The following FSTL5 variants were observed in gnomAD, a reference collection of about 807,000 sequenced individuals.
FSTL5 encodes the protein follistatin-related protein 5.
In FSTL5, 62 loss-of-function variants were observed where a neutral mutation model predicts 89.1. The ratio of observed to expected loss-of-function variants is 0.70; its 90% CI spans 0.57 to 0.86. The LOEUF (loss-of-function observed/expected upper bound fraction) is 0.86, where lower values mean the gene tolerates loss of function less well. Among genes scored for constraint, FSTL5 ranks in the 40% least tolerant of loss-of-function variants. The pLI, the probability that FSTL5 is intolerant of heterozygous loss-of-function variation, is 0.00. For missense variants in FSTL5, 1,057 were observed against 1,001.6 expected, an observed-to-expected ratio of 1.06 and a Z score of -0.75; for synonymous variants, 383 against 346.2, an observed-to-expected ratio of 1.11 and a Z score of -1.18.
chr4:162,102,544 C>G (rs1179244559), intron 2 of FSTL5, among the ~76,000 whole-genome samples: 1 of 147,096 alleles, frequency 6.8e-6, no homozygotes, highest in Non-Finnish European at 1.5e-5. Flanking sequence ...AGTACTTTCT[C>G]TTACCCCACT....
At chr4:162,014,202 G>A (rs2111138786) in intron 3 of FSTL5, among the ~76,000 whole-genome samples, 1 of 152,302 alleles carries the variant, frequency 6.6e-6, no homozygotes, top group East Asian at 1.9e-4. Context: ...CATTTGTATG[G>A]AAAAGAGCAT....
intron 4 of FSTL5, among the ~76,000 whole-genome samples, chr4:161,823,737 C>A (rs1416863422): frequency 6.6e-6 from 1 of 152,234 alleles, no homozygotes. Context: ...GACTCCACTG[C>A]TGCAGCTGCT....
chr4:161,658,913 T>C (rs984840050), intron 6 of FSTL5, among the ~76,000 whole-genome samples: 66 of 152,160 alleles, frequency 4.3e-4, no homozygotes, highest in African/African-American at 1.5e-3. Flanking sequence ...AGAAATACAA[T>C]TGCTACTAAG....
Position 161,779,154 on chromosome 4 carries a change from T to C in FSTL5, c.410-3080A>G, listed in dbSNP as rs148689236. ...TTGGGTTGCCCCACTCAAATTTTGA[T>C]CTAATCTAGTCAGTGTGATCATCAT... is the stretch of plus-strand genomic sequence containing the variant. On this transcript the variant is annotated intron_variant, in intron 4 of 15. Transcript: ENST00000306100. Among the ~76,000 whole-genome samples, 8 of 152,322 alleles carry C rather than the reference T, an allele frequency of 5.3e-5. No homozygotes were observed. The East Asian group carries it at 1.5e-3, about 29-fold the overall frequency.
intron 3 of FSTL5, among the ~76,000 whole-genome samples, chr4:161,993,790 AG>A (rs1408153826): frequency 1.3e-5 from 2 of 152,106 alleles, no homozygotes; most frequent in Non-Finnish European, 2.9e-5. Flanking sequence ...TTTGATTTTT[AG>A]TTTTTGTCAA....
At chr4:161,864,892 C>A (rs948076902) in intron 4 of FSTL5, among the ~76,000 whole-genome samples, 94 of 109,720 alleles carry the variant, frequency 8.6e-4, no homozygotes, top group African/African-American at 2.3e-3. Flanking sequence ...AAAAAAAAAG[C>A]ATTAATGGTA....
At chr4:162,119,303 AAAC>A (rs1235591389) in intron 1 of FSTL5, among the ~76,000 whole-genome samples, 2 of 152,186 alleles carry the variant, frequency 1.3e-5, no homozygotes, top group Non-Finnish European at 2.9e-5. Context: ...TGCACAGAAA[AAAC>A]AACTAATTAT....
At chr4:161,802,586 T>C (rs970147416) in intron 4 of FSTL5, among the ~76,000 whole-genome samples, 1 of 151,772 alleles carries the variant, frequency 6.6e-6, no homozygotes, top group African/African-American at 2.4e-5. Flanking sequence ...TTGTATTTAG[T>C]ATTAGGCTAA....
At chr4:161,892,497 A>C (rs1490397617) in intron 4 of FSTL5, among the ~76,000 whole-genome samples, 1 of 151,412 alleles carries the variant, frequency 6.6e-6, no homozygotes, top group Non-Finnish European at 1.5e-5. Flanking sequence ...TTTGCAAAAG[A>C]CATTTTGATC....
chr4:161,625,905 A>G (rs1735300980), intron 7 of FSTL5, among the ~76,000 whole-genome samples: 1 of 152,202 alleles, frequency 6.6e-6, no homozygotes, highest in Admixed American at 6.5e-5. Context: ...CACCCACAAC[A>G]TTCCCTTAAG....
At chr4:161,493,680 T>G (rs1034772527) in intron 12 of FSTL5, among the ~76,000 whole-genome samples, 1 of 152,106 alleles carries the variant, frequency 6.6e-6, no homozygotes, top group South Asian at 2.1e-4. Flanking sequence ...AAGTTTCTGT[T>G]GAAAAATCTA....
chr4:162,021,517 T>C (rs538784219), intron 3 of FSTL5, among the ~76,000 whole-genome samples: 1 of 152,214 alleles, frequency 6.6e-6, no homozygotes, highest in Admixed American at 6.5e-5. Context: ...AAATATTAGC[T>C]CTCCTTTAAA....
intron 6 of FSTL5, among the ~76,000 whole-genome samples, chr4:161,712,390 T>C (rs973392409): frequency 6.6e-6 from 1 of 152,182 alleles, no homozygotes; most frequent in African/African-American, 2.4e-5. Context: ...GAAATTCACC[T>C]AGGTCAAATT....
chr4:162,048,799 A>T (rs1738289272), intron 2 of FSTL5, among the ~76,000 whole-genome samples: 1 of 152,198 alleles, frequency 6.6e-6, no homozygotes, highest in Admixed American at 6.5e-5. Flanking sequence ...TAAATTAGAT[A>T]TTCTGAAGAA....
At chr4:162,116,612 T>C (rs1210047327) in intron 1 of FSTL5, among the ~76,000 whole-genome samples, 1 of 152,152 alleles carries the variant, frequency 6.6e-6, no homozygotes, top group Non-Finnish European at 1.5e-5. Flanking sequence ...AATAAGGGGC[T>C]TTTGTTCTCT....
chr4:161,860,242 C>G (rs370724353), intron 4 of FSTL5, among the ~76,000 whole-genome samples: 7 of 152,010 alleles, frequency 4.6e-5, no homozygotes, highest in African/African-American at 1.2e-4. Flanking sequence ...GAGAGGAGAT[C>G]GCGCCACTGC....
chr4:161,793,803 T>A (rs1237281035), intron 4 of FSTL5, among the ~76,000 whole-genome samples: 1 of 151,850 alleles, frequency 6.6e-6, no homozygotes, highest in Non-Finnish European at 1.5e-5. Flanking sequence ...GAGACAGGGT[T>A]TCACCATGTT....
chr4:161,437,573 A>AAAAAAAAAAAAAAAAACAAACAAAC (rs1553986241), intron 15 of FSTL5, among the ~76,000 whole-genome samples: 1 of 149,104 alleles, frequency 6.7e-6, no homozygotes, highest in South Asian at 2.2e-4. Context: ...CTCAAAAAAA[A>AAAAAAAAAAAAAAAAACAAACAAAC]AAAAAAAAAC....
At chr4:161,622,120 A>C (rs1207519840) in intron 7 of FSTL5, among the ~76,000 whole-genome samples, 1 of 152,182 alleles carries the variant, frequency 6.6e-6, no homozygotes, top group South Asian at 2.1e-4. Context: ...CAGATCAATA[A>C]ATTTGTAAAC....
Sources: allele counts gnomAD v4.1 joint callset (sites outside exome capture counted in the v4.1 genomes callset), GRCh38; gene constraint gnomAD v4.1.1; transcripts MANE v1.5; gene names NCBI Gene and HGNC (gene_info 2026-07-23, HGNC 2026-07-21).